The following ZMAT4 variants were observed in gnomAD, a reference collection of about 807,000 sequenced individuals.
ZMAT4 encodes zinc finger matrin-type 4.
Under a neutral mutation model 28.7 loss-of-function variants are expected in ZMAT4, and 17 were observed. The observed-to-expected ratio is 0.59, with a 90% CI of 0.41 to 0.89. The LOEUF (loss-of-function observed/expected upper bound fraction) is 0.89, where lower values mean the gene tolerates loss of function less well. Among genes scored for constraint, ZMAT4 ranks in the 40% least tolerant of loss-of-function variants. ZMAT4 has a pLI of 0.00. For missense variants in ZMAT4, 240 were observed against 283.8 expected (o/e 0.85, Z 1.11); for synonymous variants, 117 against 109.2 (o/e 1.07, Z -0.44).
chr8:40,575,263 T>A (rs1041226129), intron 6 of ZMAT4, among the ~76,000 whole-genome samples: 1 of 152,104 alleles, frequency 6.6e-6, no homozygotes, highest in African/African-American at 2.4e-5. Flanking sequence ...CCTGAATTGC[T>A]GAGCCACTGT....
At chr8:40,668,246 C>T (rs972754812) in intron 5 of ZMAT4, among the ~76,000 whole-genome samples, 4 of 151,772 alleles carry the variant, frequency 2.6e-5, no homozygotes, top group African/African-American at 9.7e-5. Flanking sequence ...TTGAGGCAGG[C>T]GGATCACTTG....
At chr8:40,896,548 C>G (rs1192186064) in intron 1 of ZMAT4, among the ~76,000 whole-genome samples, 4 of 152,326 alleles carry the variant, frequency 2.6e-5, no homozygotes, top group Admixed American at 6.5e-5. Context: ...GCCTGCTTCC[C>G]CATGGGTCCC....
intron 1 of ZMAT4, among the ~76,000 whole-genome samples, chr8:40,840,513 T>G (rs1816664154): frequency 6.6e-6 from 1 of 152,160 alleles, no homozygotes; most frequent in Non-Finnish European, 1.5e-5. Context: ...ACTGTGGCAT[T>G]TCTTCTCACT....
intron 5 of ZMAT4, among the ~76,000 whole-genome samples, chr8:40,667,249 A>G (rs1808456183): frequency 6.6e-6 from 1 of 151,546 alleles, no homozygotes; most frequent in Non-Finnish European, 1.5e-5. Flanking sequence ...TCTGCCTCCC[A>G]GGTTCACGCC....
intron 5 of ZMAT4, among the ~76,000 whole-genome samples, chr8:40,669,835 C>T (rs113608729): frequency 3.4e-4 from 51 of 152,036 alleles, no homozygotes; most frequent in African/African-American, 7.7e-4. Context: ...TTGTACTTGG[C>T]GACACATTTA....
intron 1 of ZMAT4, among the ~76,000 whole-genome samples, chr8:40,873,273 C>T (rs1477112693): frequency 6.6e-6 from 1 of 152,148 alleles, no homozygotes; most frequent in African/African-American, 2.4e-5. Flanking sequence ...GTTTTTCTGG[C>T]TACAAAAATG....
At chr8:40,876,081 G>A (rs1818032067) in intron 1 of ZMAT4, among the ~76,000 whole-genome samples, 1 of 152,122 alleles carries the variant, frequency 6.6e-6, no homozygotes, top group South Asian at 2.1e-4. Context: ...GTGAATTGTG[G>A]AACTCACTCC....
At chr8:40,555,255 G>A (rs1001266771) in intron 6 of ZMAT4, among the ~76,000 whole-genome samples, 7 of 151,980 alleles carry the variant, frequency 4.6e-5, no homozygotes, top group African/African-American at 1.5e-4. Flanking sequence ...ATTTGCGATT[G>A]CGAATACTGC....
intron 3 of ZMAT4, among the ~76,000 whole-genome samples, chr8:40,713,171 T>C (rs955062117): frequency 3.9e-5 from 6 of 151,998 alleles, no homozygotes; most frequent in Admixed American, 1.3e-4. Context: ...CAAATTAGTA[T>C]GTAATAAAGG....
chr8:40,894,130 C>T (rs894210099), intron 1 of ZMAT4, among the ~76,000 whole-genome samples: 9 of 152,224 alleles, frequency 5.9e-5, no homozygotes, highest in Non-Finnish European at 1.0e-4. Context: ...CTGCAGCAGG[C>T]GCAGGCCTCA....
At chr8:40,570,192 A>C (rs1053251542) in intron 6 of ZMAT4, among the ~76,000 whole-genome samples, 4 of 152,230 alleles carry the variant, frequency 2.6e-5, no homozygotes, top group African/African-American at 9.6e-5. Flanking sequence ...ACTAGACTAC[A>C]GTGATAGAAA....
At chr8:40,645,811 A>T (rs1306146019) in intron 5 of ZMAT4, among the ~76,000 whole-genome samples, 1 of 152,152 alleles carries the variant, frequency 6.6e-6, no homozygotes, top group Non-Finnish European at 1.5e-5. Context: ...AATAAACTTA[A>T]ATCATCCATA....
At chr8:40,640,932 C>G (rs1806995527) in intron 5 of ZMAT4, among the ~76,000 whole-genome samples, 1 of 146,280 alleles carries the variant, frequency 6.8e-6, no homozygotes. Context: ...GCACTCCAGC[C>G]TGGTTGATGG....
intron 1 of ZMAT4, among the ~76,000 whole-genome samples, chr8:40,863,444 GAGA>G (rs1817572013): frequency 6.6e-6 from 1 of 152,230 alleles, no homozygotes. Flanking sequence ...TAGCTAAAGG[GAGA>G]AGGAGAATCA....
At chr8:40,737,734 G>T (rs1339384919) in intron 3 of ZMAT4, among the ~76,000 whole-genome samples, 2 of 151,970 alleles carry the variant, frequency 1.3e-5, no homozygotes, top group South Asian at 4.2e-4. Flanking sequence ...TACATATAGC[G>T]GAAAATCGCA....
At chr8:40,831,540 G>A (rs1481482131) in intron 1 of ZMAT4, among the ~76,000 whole-genome samples, 1 of 152,226 alleles carries the variant, frequency 6.6e-6, no homozygotes. Context: ...GTCCCTTGAG[G>A]AGAGAAGCTC....
chr8:40,831,001 T>G (rs1353529582), intron 1 of ZMAT4, among the ~76,000 whole-genome samples: 1 of 152,240 alleles, frequency 6.6e-6, no homozygotes, highest in African/African-American at 2.4e-5. Flanking sequence ...ATTACCATCA[T>G]TACCATTAAT....
chr8:40,813,324 C>T (rs1378708629), intron 2 of ZMAT4, among the ~76,000 whole-genome samples: 3 of 152,160 alleles, frequency 2.0e-5, no homozygotes, highest in Non-Finnish European at 4.4e-5. Context: ...AAGAAGATCC[C>T]CAACCTCATG....
At chr8:40,609,196 A>G (rs767798844) in intron 5 of ZMAT4, among the ~76,000 whole-genome samples, 2 of 152,224 alleles carry the variant, frequency 1.3e-5, no homozygotes, top group Non-Finnish European at 2.9e-5. Context: ...TAAAAACAAA[A>G]GCTTATAAAA....
Sources: gnomAD v4.1 joint callset for allele counts (sites outside exome capture counted in the v4.1 genomes callset) on GRCh38, gnomAD v4.1.1 for gene constraint, MANE v1.5 for transcripts, NCBI Gene and HGNC (gene_info 2026-07-23, HGNC 2026-07-21) for gene names.